NEK3: variants seen among roughly 807,000 people sequenced by gnomAD.
NEK3 encodes NIMA related kinase 3.
A neutral mutation model predicts 66.0 loss-of-function variants in NEK3; 54 were observed. That is an observed-to-expected ratio of 0.82 (90% CI 0.66 to 1.03). NEK3 has a LOEUF of 1.03. Ranked by LOEUF, NEK3 falls within the 50% of genes least tolerant of loss-of-function variation. NEK3 has a pLI of 0.00. For synonymous variants in NEK3, 200 were observed against 206.2 expected (o/e 0.97, Z 0.26); for missense variants, 593 against 603.0 (o/e 0.98, Z 0.17).
chr13:52,141,110 A>C (rs1956247278), intron 10 of NEK3, 41 bp from the exon 11 acceptor site: 4 of 1,537,584 alleles, frequency 2.6e-6, no homozygotes, highest in Middle Eastern at 1.7e-4. Context: ...TAAAACACAT[A>C]AAGGATCATC....
intron 5 of NEK3, among the ~76,000 whole-genome samples, chr13:52,151,881 C>T (rs1345806212): frequency 6.6e-6 from 1 of 152,218 alleles, no homozygotes; most frequent in East Asian, 1.9e-4. Context: ...TATACAACTA[C>T]TTACCATTGT....
chr13:52,151,777 T>C (rs1004013568), intron 5 of NEK3, among the ~76,000 whole-genome samples: 3 of 152,228 alleles, frequency 2.0e-5, no homozygotes, highest in Admixed American at 2.0e-4. Context: ...ACATGCTGCA[T>C]AACCACATTT....
Position 52,136,825 on chromosome 13 carries a change from C to CAATG in NEK3, c.1001_1004dup (p.Leu335PhefsTer12). The CAATG allele has an allele frequency of 6.4e-7, 1 of 1,565,340 alleles. No individual in the cohort carries two copies. Among genetic ancestry groups the CAATG allele is most frequent in the Non-Finnish European group, 8.7e-7 (1 of 1,153,212 alleles). ...CTTTTTCTTCTCTGTTTACTCTTCTCAATGCACTTTCAACTAAATTTTCAT... is the reference window on the plus strand; with the variant it reads ...CTTTTTCTTCTCTGTTTACTCTTCTCAATGAATGCACTTTCAACTAAATTTTCAT... On this transcript the variant is annotated frameshift_variant, in exon 12 of 16. Coordinates refer to ENST00000610828, the MANE Select transcript of NEK3 (RefSeq NM_002498.3). LOFTEE classifies it high-confidence loss of function.
intron 15 of NEK3, 111 bp downstream of exon 15, chr13:52,133,578 C>A: frequency 2.2e-6 from 3 of 1,352,054 alleles, no homozygotes; most frequent in African/African-American, 1.5e-5. Flanking sequence ...TATAAGAGGT[C>A]CCTACTAAAT....
Position 52,141,050 on chromosome 13 carries a change from C to T in NEK3, c.897G>A (p.Arg299=). 2 of 1,601,252 alleles carry T rather than the reference C, an allele frequency of 1.2e-6. No individual in the cohort carries two copies. The highest frequency in any genetic ancestry group is 1.3e-5 in the African/African-American group (1 of 74,842). ...PRKKTNPSRI[R]IALGNEASTV... ...TGCTTGCTTCATTTCCCAAAGCTAT[C>T]CTGATTCTGCTGGGGTTTGCTTTTA... Residue 299 remains arginine (R), a synonymous_variant, in exon 11 of 16, where the codon AGG becomes AGA. Transcript: ENST00000610828.
chr13:52,148,317 C>T, intron 8 of NEK3, 98 bp downstream of exon 8: 2 of 1,144,994 alleles, frequency 1.7e-6, no homozygotes, highest in East Asian at 2.4e-5. Context: ...ATAATGACTT[C>T]ATCCTAGGGA....
At chr13:52,145,448 C>A (rs1245643191) in intron 8 of NEK3, among the ~76,000 whole-genome samples, 1 of 152,140 alleles carries the variant, frequency 6.6e-6, no homozygotes, top group Non-Finnish European at 1.5e-5. Flanking sequence ...GGACTACAGG[C>A]ATGTGCCACC....
intron 2 of NEK3, among the ~76,000 whole-genome samples, chr13:52,154,428 T>C (rs896444118): frequency 1.3e-5 from 2 of 152,086 alleles, no homozygotes; most frequent in Non-Finnish European, 2.9e-5. Context: ...AGAATGTAAA[T>C]AGTTTTAATA....
intron 4 of NEK3, among the ~76,000 whole-genome samples, chr13:52,153,505 G>A (rs1242153251): frequency 6.6e-6 from 1 of 151,962 alleles, no homozygotes. Flanking sequence ...TTGAGAATAG[G>A]TACTCCCAAG....
chr13:52,154,020 A>G, intron 3 of NEK3, 28 bp from the exon 4 acceptor site: 3 of 1,603,030 alleles, frequency 1.9e-6, no homozygotes, highest in Non-Finnish European at 2.6e-6. Context: ...TCTTTAGAAA[A>G]GCTGTAGTGG....
intron 13 of NEK3, 33 bp from the exon 14 acceptor site, chr13:52,135,896 TA>T (rs760243177): frequency 1.9e-6 from 3 of 1,594,704 alleles, no homozygotes; most frequent in South Asian, 1.1e-5. Context: ...TAGTGCTGAA[TA>T]AAAAAAGATT....
intron 10 of NEK3, among the ~76,000 whole-genome samples, chr13:52,143,683 T>A (rs1001359013): frequency 2.0e-5 from 3 of 152,198 alleles, no homozygotes; most frequent in African/African-American, 7.2e-5. Context: ...AATGACAGCA[T>A]AATCTTTCCG....
At chr13:52,133,607 AATTTAAATCACACAC>A in intron 15 of NEK3, 67 bp downstream of exon 15, 4 of 1,361,934 alleles carry the variant, frequency 2.9e-6, no homozygotes, top group Non-Finnish European at 3.9e-6. Flanking sequence ...ATCATGGTCT[AATTTAAATCACACAC>A]ACACACACAC....
At chr13:52,147,301 A>G (rs1176443666) in intron 8 of NEK3, among the ~76,000 whole-genome samples, 3 of 152,210 alleles carry the variant, frequency 2.0e-5, no homozygotes, top group Non-Finnish European at 4.4e-5. Flanking sequence ...GGAATCAAGG[A>G]CTCTAACAGA....
intron 1 of NEK3, chr13:52,159,159 C>A (rs144497655): frequency 6.6e-6 from 1 of 152,268 alleles, no homozygotes; most frequent in Non-Finnish European, 1.5e-5. Context: ...CAGCCCTGCG[C>A]TTATTAACTT....
rs1417798982 is a variant in NEK3 at position 52,144,781 on chromosome 13, A to G, written c.714T>C (p.Phe238=). 6.2e-7 allele frequency: 1 copy of G among 1,613,716 alleles called. No individual in the cohort carries two copies. Among genetic ancestry groups the G allele is most frequent in the Non-Finnish European group, 8.5e-7 (1 of 1,179,844 alleles). Residue 238 remains phenylalanine, a synonymous_variant, in exon 9 of 16, where the codon TTT becomes TTC. Coordinates refer to ENST00000610828, the MANE Select transcript of NEK3 (RefSeq NM_002498.3). ...YELQFLVKQM[F]KRNPSHRPSA... ...AGGGGCGATGTGAGGGATTCCTTTT[A>G]AACATCTGCTTGACTAGGAACTGAA... is the stretch of plus-strand genomic sequence containing the variant.
chr13:52,142,589 T>C (rs1240667706), intron 10 of NEK3, among the ~76,000 whole-genome samples: 3 of 152,202 alleles, frequency 2.0e-5, no homozygotes, highest in Non-Finnish European at 4.4e-5. Context: ...ATCTCTTAAC[T>C]AATGGAGAAA....
intron 7 of NEK3, among the ~76,000 whole-genome samples, 193 bp downstream of exon 7, chr13:52,150,953 A>C (rs1956339981): frequency 6.6e-6 from 1 of 152,190 alleles, no homozygotes. Context: ...GAAAACTATT[A>C]CTTTTATCTA....
intron 11 of NEK3, among the ~76,000 whole-genome samples, chr13:52,137,378 T>A (rs1956214659): frequency 6.6e-6 from 1 of 152,228 alleles, no homozygotes; most frequent in African/African-American, 2.4e-5. Context: ...TTGATTTATT[T>A]CGTGAAATAT....
Sources: gnomAD v4.1 joint callset for allele counts (sites outside exome capture counted in the v4.1 genomes callset) on GRCh38, gnomAD v4.1.1 for gene constraint, MANE v1.5 for transcripts, NCBI Gene and HGNC (gene_info 2026-07-23, HGNC 2026-07-21) for gene names.